The following DHX38 variants were observed in gnomAD, a reference collection of about 807,000 sequenced individuals.
The protein encoded by DHX38 is pre-mRNA-splicing factor ATP-dependent RNA helicase PRP16.
Under a neutral mutation model 153.1 loss-of-function variants are expected in DHX38, and 100 were observed. The observed-to-expected ratio is 0.65, with a 90% CI of 0.56 to 0.77. The LOEUF (loss-of-function observed/expected upper bound fraction) is 0.77. DHX38 is among the 30% of genes least tolerant of loss of function. DHX38 has a pLI of 0.00. For missense variants in DHX38, 1,440 were observed against 1,654.0 expected, an observed-to-expected ratio of 0.87 and a Z score of 2.24; for synonymous variants, 650 against 631.7, an observed-to-expected ratio of 1.03 and a Z score of -0.43.
chr16:72,103,521 G>C lies in DHX38; in HGVS notation c.1638-81G>C, dbSNP rs1273273285. 3 of 1,465,024 alleles carry C rather than the reference G, an allele frequency of 2.0e-6. No homozygotes were observed. In the African/African-American group the frequency reaches 4.2e-5, roughly 20 times the overall value. The allele number at this position is 1,465,024 out of a possible 1,614,324, so 90.8% of individuals were successfully genotyped here. On this transcript the variant is annotated intron_variant, in intron 12 of 26. Transcript: ENST00000268482. ...CCCTGGATAGCTAGTCATGGGGATA[G>C]GAGGTAGCGGAGTCTTCTTGGAGGC...
chr16:72,097,411 A>C (rs1014349320), intron 3 of DHX38: 8 of 471,106 alleles, frequency 1.7e-5, no homozygotes, highest in Middle Eastern at 1.1e-3. Context: ...CTATTAAAAA[A>C]AATGATTCAC....
chr16:72,098,762 G>T lies in DHX38; in HGVS notation c.734G>T (p.Ser245Ile). The change falls in exon 5 of 27, where the codon AGC becomes ATC. Residue 245 changes from serine (S) to isoleucine (I), a missense_variant. Around this residue, in one of 6 missense-constraint regions of DHX38, gnomAD observed 483 missense variants for 465.1 expected, o/e 1.04. Transcript: ENST00000268482. ...CCTTCCTATCGGGATTCTGAGCGGA[G>T]CCATCGGCTGTCCACTCGAGATCGA... ...PTPSYRDSERSHRLSTRDRDR... is the reference protein window; with the variant it reads ...PTPSYRDSERIHRLSTRDRDR... 6.2e-7 allele frequency: 1 copy of T among 1,614,216 alleles called. No homozygotes were observed. The highest frequency in any genetic ancestry group is 8.5e-7 in the Non-Finnish European group (1 of 1,180,042).
Position 72,108,526 on chromosome 16 carries a change from C to G in DHX38, c.3174C>G (p.Ser1058Arg). The G allele has an allele frequency of 1.2e-6, 2 of 1,614,170 alleles. No individual in the cohort carries two copies. Among genetic ancestry groups the G allele is most frequent in the South Asian group, 2.2e-5 (2 of 91,076 alleles). Residue 1058 changes from serine (S) to arginine (R), a missense_variant, in exon 23 of 27, where the codon AGC (serine) becomes AGG (arginine). Ser to Arg is a moderately radical substitution (Grantham distance 110). Coordinates refer to ENST00000268482, the MANE Select transcript of DHX38 (RefSeq NM_014003.4). Reference sequence around the variant, plus strand: ...ACATCATGGTGCAGCAGCGGATGAGCCTGGCCTCGTGTGGCACTGACTGGG... The same window carrying G: ...ACATCATGGTGCAGCAGCGGATGAGGCTGGCCTCGTGTGGCACTGACTGGG... ...LKDIMVQQRMSLASCGTDWDI... is the reference protein window; with the variant it reads ...LKDIMVQQRMRLASCGTDWDI...
At position 72,103,187 on chromosome 16, in the gene DHX38, A is replaced by T; in HGVS notation, c.1613A>T (p.Gln538Leu). ...QRQYLPIFAVQQELLTIIRDN... is the reference protein window; with the variant it reads ...QRQYLPIFAVLQELLTIIRDN... ...CAGTACCTGCCCATCTTTGCAGTGC[A>T]GCAGGAGCTGCTCACTATTATCAGG... Residue 538 changes from glutamine (Q) to leucine (L), a missense_variant, in exon 12 of 27, where the codon CAG (glutamine) becomes CTG (leucine). Around this residue, in one of 6 missense-constraint regions of DHX38, gnomAD observed 241 missense variants for 229.5 expected, o/e 1.05. Transcript: ENST00000268482. 6.2e-7 allele frequency: 1 copy of T among 1,614,206 alleles called. No homozygotes were observed. The highest frequency in any genetic ancestry group is 8.5e-7 in the Non-Finnish European group (1 of 1,180,036).
chr16:72,111,917 C>T (rs1036088985), intron 26 of DHX38, among the ~76,000 whole-genome samples: 2 of 152,174 alleles, frequency 1.3e-5, no homozygotes, highest in Non-Finnish European at 1.5e-5. Context: ...GTGCTAACCC[C>T]GGGGCAGAGA....
intron 25 of DHX38, among the ~76,000 whole-genome samples, chr16:72,110,240 G>A (rs949026304): frequency 6.6e-6 from 1 of 152,204 alleles, no homozygotes; most frequent in Non-Finnish European, 1.5e-5. Flanking sequence ...TGCTCACAGC[G>A]GTGTTTAACC....
intron 1 of DHX38, among the ~76,000 whole-genome samples, chr16:72,094,730 G>A (rs911808671): frequency 2.6e-5 from 4 of 152,122 alleles, no homozygotes; most frequent in African/African-American, 4.8e-5. Context: ...AGAAATGTTT[G>A]GGTTCCTGTC....
At chr16:72,102,404 G>T (rs1372385799) in intron 11 of DHX38, among the ~76,000 whole-genome samples, 2 of 152,132 alleles carry the variant, frequency 1.3e-5, no homozygotes. Context: ...CTGGGGAGGG[G>T]GTTGGGGAGG....
At chr16:72,105,890 A>G in intron 18 of DHX38, 115 bp from the exon 19 acceptor site, 1 of 935,912 alleles carries the variant, frequency 1.1e-6, no homozygotes, top group Non-Finnish European at 1.7e-6. Flanking sequence ...ACATTTCTAG[A>G]GCCTCCTGGC....
In DHX38 at chr16:72,107,705, A is replaced by G. The variant is rs756934503; in HGVS notation, c.2870A>G (p.Lys957Arg). ...VEFPLDPALS[K>R]MLIVSCDMGC... ...TTCCCGCTGGACCCTGCCCTGTCCA[A>G]GATGCTCATCGTGTCCTGTGACATG... The change falls in exon 21 of 27, where the codon AAG becomes AGG. Residue 957 changes from lysine (K) to arginine (R), a missense_variant. By Grantham distance (26) the Lys-to-Arg change is conservative. Coordinates refer to ENST00000268482, the MANE Select transcript of DHX38 (RefSeq NM_014003.4). This position sits in a 1 kb window ranked among gnomAD's most constrained non-coding sequence, Gnocchi z 5.3. 5.6e-6 allele frequency: 9 copies of G among 1,613,922 alleles called. No individual in the cohort carries two copies. Among genetic ancestry groups the G allele is most frequent in the Non-Finnish European group, 6.8e-6 (8 of 1,180,018 alleles).
intron 25 of DHX38, among the ~76,000 whole-genome samples, chr16:72,110,394 C>T (rs562641986): frequency 1.3e-5 from 2 of 152,220 alleles, no homozygotes; most frequent in African/African-American, 2.4e-5. Context: ...CATGTGAGGT[C>T]TGGTGGCCCC....
chr16:72,108,185 A>AC (rs35826538), intron 21 of DHX38, 42 bp from the exon 22 acceptor site: 1 of 1,606,014 alleles, frequency 6.2e-7, no homozygotes, highest in Non-Finnish European at 8.5e-7. Context: ...GTGGGCCTGG[A>AC]CCCCCCTGTA....
In DHX38 at chr16:72,107,419, G is replaced by C; in HGVS notation, c.2680G>C (p.Val894Leu). 6.2e-7 allele frequency: 1 copy of C among 1,614,138 alleles called. No individual in the cohort carries two copies. Among genetic ancestry groups the C allele is most frequent in the Non-Finnish European group, 8.5e-7 (1 of 1,180,034 alleles). Reference protein sequence around the residue: ...PEIQRTNLANVVLLLKSLGVQ... With the variant: ...PEIQRTNLANLVLLLKSLGVQ... ...GATCCAGAGGACTAACCTGGCCAAC[G>C]TGGTGCTGCTGCTCAAGTCCCTCGG... is the stretch of plus-strand genomic sequence containing the variant. The change falls in exon 20 of 27, where the codon GTG becomes CTG. Residue 894 changes from valine to leucine, a missense_variant. Around this residue, in one of 6 missense-constraint regions of DHX38, gnomAD observed 543 missense variants for 717.9 expected, o/e 0.76. Transcript: ENST00000268482. This position sits in a 1 kb window ranked among gnomAD's most constrained non-coding sequence, Gnocchi z 5.3.
At position 72,096,685 on chromosome 16, in the gene DHX38, G is replaced by T; in HGVS notation, c.324-137G>T. The T allele has an allele frequency of 2.0e-6, 3 of 1,488,422 alleles. No homozygotes were observed. In the South Asian group the frequency reaches 4.1e-5, roughly 20 times the overall value. The allele number at this position is 1,488,422 out of a possible 1,614,324, so 92.2% of individuals were successfully genotyped here. A position where few individuals can be genotyped will look rare whatever the true frequency, so the allele number is the denominator to read the frequency against. ...ATGGTAGAGGTTAGAAATGCCTTGGGTTGTTGCCATATGTGAGCCTGCGTC... is the reference window on the plus strand; with the variant it reads ...ATGGTAGAGGTTAGAAATGCCTTGGTTTGTTGCCATATGTGAGCCTGCGTC... On this transcript the variant is annotated intron_variant, in intron 2 of 26. Transcript: ENST00000268482.
At position 72,097,621 on chromosome 16, in the gene DHX38, A is replaced by T. The variant is rs945769148; in HGVS notation, c.512-56A>T. ...AGCCTGTCCTTTCTCTAGGGTGAAGATGTGTATACCTTAGGATGGGATGCA... is the reference window on the plus strand; with the variant it reads ...AGCCTGTCCTTTCTCTAGGGTGAAGTTGTGTATACCTTAGGATGGGATGCA... On this transcript the variant is annotated intron_variant, in intron 3 of 26. Transcript: ENST00000268482. The T allele has an allele frequency of 3.5e-5, 53 of 1,533,506 alleles. No homozygotes were observed. In the African/African-American group the frequency reaches 7.2e-4, roughly 21 times the overall value. The allele number at this position is 1,533,506 out of a possible 1,614,324, so 95.0% of individuals were successfully genotyped here.
chr16:72,109,124 C>T (rs1202971430), intron 24 of DHX38, among the ~76,000 whole-genome samples, 199 bp downstream of exon 24: 1 of 152,216 alleles, frequency 6.6e-6, no homozygotes, highest in East Asian at 1.9e-4. Flanking sequence ...ACTGCATTGA[C>T]CTCAGCTGCA....
In DHX38 at chr16:72,101,189, A is replaced by G. The variant is rs1314926440; in HGVS notation, c.1382A>G (p.Lys461Arg). 6.2e-7 allele frequency: 1 copy of G among 1,614,090 alleles called. No individual in the cohort carries two copies. ...VRKHREQKER[K>R]KAQHKHWELA... Reference sequence around the variant, plus strand: ...AAGCACAGGGAGCAGAAGGAGCGCAAGAAGGTTGGTTTCTTGGTTTCGTGG... The same window carrying G: ...AAGCACAGGGAGCAGAAGGAGCGCAGGAAGGTTGGTTTCTTGGTTTCGTGG... Residue 461 changes from lysine (K) to arginine (R), a missense_variant, in exon 10 of 27, where the codon AAG becomes AGG. By Grantham distance (26) the Lys-to-Arg change is conservative. Coordinates refer to ENST00000268482, the MANE Select transcript of DHX38 (RefSeq NM_014003.4).
chr16:72,104,163 A>C lies in DHX38; in HGVS notation c.2010+32A>C. Reference sequence around the variant, plus strand: ...GCTGTGTGGTTTGGTCTCTCTGCGCATGGGGTGTTGACCAGTGCACCACCA... The same window carrying C: ...GCTGTGTGGTTTGGTCTCTCTGCGCCTGGGGTGTTGACCAGTGCACCACCA... On this transcript the variant is annotated intron_variant, in intron 14 of 26. Transcript: ENST00000268482. The surrounding 1 kb of genome is among the most constrained non-coding windows in gnomAD (Gnocchi z 4.5). 3 of 1,607,312 alleles carry C rather than the reference A, an allele frequency of 1.9e-6. No homozygotes were observed. The highest frequency in any genetic ancestry group is 2.6e-6 in the Non-Finnish European group (3 of 1,175,336).
intron 3 of DHX38, chr16:72,097,407 A>C (rs2042036335): frequency 2.1e-6 from 1 of 465,880 alleles, no homozygotes; most frequent in South Asian, 2.7e-5. Context: ...GTAACTATTA[A>C]AAAAAATGAT....
Sources: allele counts gnomAD v4.1 joint callset (sites outside exome capture counted in the v4.1 genomes callset), GRCh38; gene constraint gnomAD v4.1.1; regional missense constraint gnomAD v4.1.1; non-coding constraint Gnocchi (gnomAD v3.1); transcripts MANE v1.5; gene names NCBI Gene and HGNC (gene_info 2026-07-23, HGNC 2026-07-21).